The following DAP3 variants were observed in gnomAD, a reference collection of about 807,000 sequenced individuals.
DAP3 encodes the protein death associated protein 3.
DAP3 carries 28 observed loss-of-function variants against 51.9 expected under a neutral mutation model. The ratio of observed to expected loss-of-function variants is 0.54; its 90% CI spans 0.40 to 0.74. DAP3 has a LOEUF of 0.74. Ranked by LOEUF, DAP3 falls within the 30% of genes least tolerant of loss-of-function variation. DAP3 has a pLI of 0.00. For synonymous variants in DAP3, 170 were observed against 170.3 expected (o/e 1.00, Z 0.01); for missense variants, 458 against 483.5 (o/e 0.95, Z 0.49).
In DAP3 at chr1:155,731,420, G is replaced by A. The variant is rs990867018; in HGVS notation, c.903+5G>A. 11 of 1,613,618 alleles carry A rather than the reference G, an allele frequency of 6.8e-6. No individual in the cohort carries two copies. Among genetic ancestry groups the A allele is most frequent in the Non-Finnish European group, 8.5e-6 (10 of 1,179,640 alleles). Reference sequence around the variant, plus strand: ...AAAATGATGAAAAATGATTGGGTAAGTGCATATGATACCTCACACATTTCA... The same window carrying A: ...AAAATGATGAAAAATGATTGGGTAAATGCATATGATACCTCACACATTTCA... On this transcript the variant is annotated splice_donor_5th_base_variant and intron_variant, in intron 10 of 12. Coordinates refer to ENST00000368336, the MANE Select transcript of DAP3 (RefSeq NM_004632.4).
intron 3 of DAP3, among the ~76,000 whole-genome samples, chr1:155,719,618 G>A (rs371885272): frequency 1.3e-5 from 2 of 151,696 alleles, no homozygotes; most frequent in African/African-American, 4.8e-5. Flanking sequence ...GCGTGATCTT[G>A]GCTCCCTGCA....
intron 11 of DAP3, chr1:155,736,504 A>G (rs1364162265): frequency 9.1e-6 from 2 of 219,632 alleles, no homozygotes; most frequent in East Asian, 1.4e-4. Context: ...GCTCACTGCA[A>G]TCTCAACCTC....
Position 155,705,500 on chromosome 1 carries a change from G to A in DAP3, c.-7-4273G>A, listed in dbSNP as rs576073292. On this transcript the variant is annotated intron_variant, in intron 1 of 12. Transcript: ENST00000368336. ...CACCTATATTCCCAGCTACTTGAAA[G>A]GCTGAGGCAGGCGGATCACTTGAAC... Among the ~76,000 whole-genome samples the A allele has an allele frequency of 1.1e-4, 16 of 150,382 alleles. No individual in the cohort carries two copies. In the East Asian group the frequency reaches 2.1e-3, roughly 20 times the overall value.
At chr1:155,709,933 A>G (rs2149146053) in intron 2 of DAP3, 109 bp downstream of exon 2, 1 of 972,036 alleles carries the variant, frequency 1.0e-6, no homozygotes, top group Non-Finnish European at 1.6e-6. Context: ...GGAAAACTTC[A>G]TATGTAACAG....
Position 155,736,951 on chromosome 1 carries a change from A to T in DAP3, c.999A>T (p.Gly333=). The T allele has an allele frequency of 1.2e-6, 2 of 1,612,712 alleles. No individual in the cohort carries two copies. Among genetic ancestry groups the T allele is most frequent in the Non-Finnish European group, 1.7e-6 (2 of 1,178,756 alleles). ...TGATCCTTTTTCTTCCCCAGGAAGG[A>T]TTTGATGCCCTGGATCCCTTTATTC... ...YLPQELLGKE[G]FDALDPFIPI... is the part of the protein sequence containing the mutation. The change falls in exon 12 of 13, where the codon GGA becomes GGT. Residue 333 remains glycine (G), a synonymous_variant. Coordinates refer to ENST00000368336, the MANE Select transcript of DAP3 (RefSeq NM_004632.4).
chr1:155,690,330 T>C (rs1179825894), intron 1 of DAP3, among the ~76,000 whole-genome samples: 2 of 140,892 alleles, frequency 1.4e-5, no homozygotes, highest in East Asian at 3.8e-4. Flanking sequence ...GGAGGGCGCA[T>C]TGCTTGAGCC....
chr1:155,733,343 A>G lies in DAP3; in HGVS notation c.993+1310A>G, dbSNP rs561437980. 2.0e-5 allele frequency among the ~76,000 whole-genome samples: 3 copies of G among 152,346 alleles called. No individual in the cohort carries two copies. The South Asian group carries it at 6.2e-4, about 32-fold the overall frequency. The stretch of plus-strand genomic sequence containing the variant: ...GCTTTGGAATTAATATGTATGTTGT[A>G]GAGATATACTTTGAGACTAGGTAAA... On this transcript the variant is annotated intron_variant, in intron 11 of 12. Transcript: ENST00000368336.
chr1:155,726,588 G>A (rs980835718), intron 6 of DAP3, among the ~76,000 whole-genome samples: 3 of 151,528 alleles, frequency 2.0e-5, no homozygotes, highest in Admixed American at 2.0e-4. Context: ...CATTGCACCC[G>A]GCCTCAGCTT....
At chr1:155,708,830 A>G (rs1256999319) in intron 1 of DAP3, among the ~76,000 whole-genome samples, 2 of 149,162 alleles carry the variant, frequency 1.3e-5, no homozygotes, top group Non-Finnish European at 3.0e-5. Context: ...TCAGCCTCCC[A>G]AGTAGCTGGG....
chr1:155,720,908 G>T (rs543064845), intron 3 of DAP3, among the ~76,000 whole-genome samples: 1 of 151,704 alleles, frequency 6.6e-6, no homozygotes. Context: ...GTGGTGGCGC[G>T]TGCCTGTAGT....
Position 155,690,970 on chromosome 1 carries a change from C to T in DAP3, c.-8+1796C>T, listed in dbSNP as rs981221804. Among the ~76,000 whole-genome samples the T allele has an allele frequency of 4.9e-5, 7 of 141,880 alleles. 1 individual carries two copies. The highest frequency in any genetic ancestry group is 6.6e-5 in the Admixed American group (1 of 15,136). The allele number at this position is 141,880 out of a possible 152,430, so 93.1% of individuals were successfully genotyped here. On this transcript the variant is annotated intron_variant, in intron 1 of 12. Coordinates refer to ENST00000368336, the MANE Select transcript of DAP3 (RefSeq NM_004632.4). ...TCACCCAGGCTGGAGTGCAGTGGCGCGATCTCGGCTCACTGCAAGCTCCGC... is the reference window on the plus strand; with the variant it reads ...TCACCCAGGCTGGAGTGCAGTGGCGTGATCTCGGCTCACTGCAAGCTCCGC...
intron 3 of DAP3, among the ~76,000 whole-genome samples, chr1:155,721,036 C>CA (rs377633231): frequency 0.022 from 2,946 of 132,584 alleles, 86 homozygotes; most frequent in African/African-American, 0.075. Flanking sequence ...GACTCTGTCT[C>CA]AAAAAAAAAA....
chr1:155,719,157 C>T (rs185733457), intron 3 of DAP3, among the ~76,000 whole-genome samples: 4 of 152,042 alleles, frequency 2.6e-5, no homozygotes, highest in Admixed American at 2.6e-4. Context: ...TTTGGGAGGC[C>T]TAGGTGGGAG....
intron 4 of DAP3, among the ~76,000 whole-genome samples, chr1:155,722,343 G>A (rs1424160283): frequency 6.6e-6 from 1 of 152,028 alleles, no homozygotes; most frequent in East Asian, 1.9e-4. Context: ...GGAGGTGAGG[G>A]CTTCAGTGAG....
At chr1:155,716,378 A>T (rs1316409850) in intron 2 of DAP3, among the ~76,000 whole-genome samples, 1 of 151,682 alleles carries the variant, frequency 6.6e-6, no homozygotes, top group African/African-American at 2.4e-5. Flanking sequence ...TGGCTAACAC[A>T]GTGAAACCCC....
intron 2 of DAP3, among the ~76,000 whole-genome samples, chr1:155,711,613 G>T (rs1243771417): frequency 6.6e-6 from 1 of 151,758 alleles, no homozygotes; most frequent in Non-Finnish European, 1.5e-5. Flanking sequence ...TTGGTTCAGG[G>T]TGACTGTATT....
chr1:155,723,025 T>G (rs2149178224), intron 4 of DAP3, among the ~76,000 whole-genome samples: 1 of 152,310 alleles, frequency 6.6e-6, no homozygotes, highest in East Asian at 1.9e-4. Flanking sequence ...GCCTACTTCC[T>G]CACCATTGTT....
upstream of DAP3, chr1:155,688,022 G>C: frequency 2.0e-6 from 3 of 1,518,156 alleles, no homozygotes; most frequent in Non-Finnish European, 2.7e-6. Context: ...GGATTCAATC[G>C]CTGAGAGAGT....
At chr1:155,718,040 G>A (rs577061704) in intron 3 of DAP3, among the ~76,000 whole-genome samples, 28 of 152,294 alleles carry the variant, frequency 1.8e-4, no homozygotes, top group Admixed American at 1.4e-3. Flanking sequence ...GAAAGAAAAA[G>A]TAAACACCCA....
Sources: gnomAD v4.1 joint callset for allele counts (sites outside exome capture counted in the v4.1 genomes callset) on GRCh38, gnomAD v4.1.1 for gene constraint, MANE v1.5 for transcripts, NCBI Gene and HGNC (gene_info 2026-07-23, HGNC 2026-07-21) for gene names.